The following PPM1G variants were observed in gnomAD, a reference collection of about 807,000 sequenced individuals.
PPM1G encodes protein phosphatase 1G.
Under a neutral mutation model 59.4 loss-of-function variants are expected in PPM1G, and 12 were observed. That is an observed-to-expected ratio of 0.20 (90% CI 0.13 to 0.33). PPM1G has a LOEUF of 0.33. Among genes scored for constraint, PPM1G ranks in the 10% least tolerant of loss-of-function variants. The pLI is 1.00. For synonymous variants in PPM1G, 245 were observed against 251.9 expected, an observed-to-expected ratio of 0.97 and a Z score of 0.26; for missense variants, 392 against 681.3, an observed-to-expected ratio of 0.58 and a Z score of 4.73.
rs905442931 is a variant in PPM1G, at chr2:27,383,127, C to T, written c.1201+239G>A. 2.0e-5 allele frequency among the ~76,000 whole-genome samples: 3 copies of T among 152,082 alleles called. No homozygotes were observed. The highest frequency in any genetic ancestry group is 1.9e-4 in the East Asian group (1 of 5,192). ...CTGGGATTACAGGCGTGAGCCACCA[C>T]GCCCGGCACTCACAGGTCTTTTTCA... On this transcript the variant is annotated intron_variant, in intron 7 of 9. Transcript: ENST00000344034. The surrounding 1 kb of genome is among the most constrained non-coding windows in gnomAD (Gnocchi z 5.0).
At chr2:27,407,680 C>A (rs1663414468) in intron 1 of PPM1G, among the ~76,000 whole-genome samples, 3 of 152,214 alleles carry the variant, frequency 2.0e-5, no homozygotes, top group African/African-American at 4.8e-5. Flanking sequence ...CTAGTGTCTT[C>A]AACGATCTGA....
Position 27,381,530 on chromosome 2 carries a change from AGACAAAACTCAGTCTCAG to A in PPM1G, c.*51_*68del. ...ACCCACTGCTAAGGCTAAAGGAAAA[AGACAAAACTCAGTCTCAG>A]GTCCGGAGGGCTCAGAAAACAGTCT... On this transcript the variant is annotated 3_prime_UTR_variant, in exon 10 of 10. Coordinates refer to ENST00000344034, the MANE Select transcript of PPM1G (RefSeq NM_177983.3). The A allele has an allele frequency of 6.3e-7, 1 of 1,585,266 alleles. No individual in the cohort carries two copies. Among genetic ancestry groups the A allele is most frequent in the Non-Finnish European group, 8.7e-7 (1 of 1,154,780 alleles).
chr2:27,391,872 C>T (rs1391121295), intron 1 of PPM1G, among the ~76,000 whole-genome samples: 1 of 151,812 alleles, frequency 6.6e-6, no homozygotes, highest in Non-Finnish European at 1.5e-5. Context: ...GCTGGGATAA[C>T]AGGCACGCGC....
intron 1 of PPM1G, among the ~76,000 whole-genome samples, chr2:27,396,819 C>CAACAAAA (rs1684064470): frequency 8.0e-6 from 1 of 125,384 alleles, no homozygotes; most frequent in South Asian, 2.6e-4. Flanking sequence ...CCGTCTCCAA[C>CAACAAAA]AAAAAAAAAA....
At position 27,392,879 on chromosome 2, in the gene PPM1G, C is replaced by T. The variant is rs150419729; in HGVS notation, c.121-5721G>A. On this transcript the variant is annotated intron_variant, in intron 1 of 9. Transcript: ENST00000344034. Reference sequence around the variant, plus strand: ...GCTCCCATCTCGTGCATGTTGGTCACGTGGTCACCCAATTCTTTGATGGCC... The same window carrying T: ...GCTCCCATCTCGTGCATGTTGGTCATGTGGTCACCCAATTCTTTGATGGCC... 4,032 of 1,432,928 alleles carry T rather than the reference C, an allele frequency of 2.8e-3. 13 individuals are homozygous for T. The highest frequency in any genetic ancestry group is 4.0e-3 in the Admixed American group (237 of 59,800). 88.8% of individuals were successfully genotyped at this position (1,432,928 alleles called of 1,614,324 possible).
At chr2:27,398,017 C>G (rs1367008725) in intron 1 of PPM1G, among the ~76,000 whole-genome samples, 1 of 152,120 alleles carries the variant, frequency 6.6e-6, no homozygotes, top group Non-Finnish European at 1.5e-5. Flanking sequence ...TTCTGCATAA[C>G]CCCTATAGAA....
chr2:27,402,129 G>GA (rs68102206), intron 1 of PPM1G, among the ~76,000 whole-genome samples: 1 of 151,216 alleles, frequency 6.6e-6, no homozygotes, highest in African/African-American at 2.4e-5. Flanking sequence ...GGTCAAAAAG[G>GA]AAAAAAAAGT....
intron 1 of PPM1G, among the ~76,000 whole-genome samples, chr2:27,401,002 C>A (rs914911864): frequency 1.3e-5 from 2 of 152,164 alleles, no homozygotes; most frequent in African/African-American, 4.8e-5. Context: ...GAGATCAAGT[C>A]CCTCTGGGCC....
chr2:27,382,247 G>C lies in PPM1G; in HGVS notation c.1332-19C>G. Reference sequence around the variant, plus strand: ...CACATTCCTGGGGTCAAGAACAACAGTCAGAATCTTCCAGTCTCACTAAGG... The same window carrying C: ...CACATTCCTGGGGTCAAGAACAACACTCAGAATCTTCCAGTCTCACTAAGG... On this transcript the variant is annotated intron_variant, in intron 8 of 9. Coordinates refer to ENST00000344034, the MANE Select transcript of PPM1G (RefSeq NM_177983.3). The surrounding 1 kb of genome is among the most constrained non-coding windows in gnomAD (Gnocchi z 4.2). 6.2e-7 allele frequency: 1 copy of C among 1,610,200 alleles called. No individual in the cohort carries two copies. Among genetic ancestry groups the C allele is most frequent in the South Asian group, 1.1e-5 (1 of 90,984 alleles).
Position 27,384,488 on chromosome 2 carries a change from G to C in PPM1G, c.825+185C>G, listed in dbSNP as rs952105758. ...TTGTTATAGTACCAACAAAGGAAGA[G>C]GTAAAAAGGCAAATGGTACCTGTGA... On this transcript the variant is annotated intron_variant, in intron 5 of 9. Coordinates refer to ENST00000344034, the MANE Select transcript of PPM1G (RefSeq NM_177983.3). This position sits in a 1 kb window ranked among gnomAD's most constrained non-coding sequence, Gnocchi z 4.8. 9.2e-5 allele frequency among the ~76,000 whole-genome samples: 14 copies of C among 152,144 alleles called. No homozygotes were observed. Among genetic ancestry groups the C allele is most frequent in the Admixed American group, 7.9e-4 (12 of 15,264 alleles).
intron 1 of PPM1G, chr2:27,393,080 T>C (rs975343972): frequency 7.9e-7 from 1 of 1,264,278 alleles, no homozygotes; most frequent in Non-Finnish European, 1.1e-6. Context: ...CGCTCTCCCA[T>C]CGCATTCTCC....
intron 1 of PPM1G, among the ~76,000 whole-genome samples, chr2:27,402,439 G>A (rs1270713185): frequency 6.6e-6 from 1 of 152,150 alleles, no homozygotes; most frequent in Non-Finnish European, 1.5e-5. Flanking sequence ...AAATATCCTT[G>A]AAATCTTGAG....
At position 27,382,073 on chromosome 2, in the gene PPM1G, T is replaced by C; in HGVS notation, c.1434+53A>G. 1 of 1,539,772 alleles carries C rather than the reference T, an allele frequency of 6.5e-7. No homozygotes were observed. The highest frequency in any genetic ancestry group is 1.1e-5 in the South Asian group (1 of 89,276). ...GCCGACTTAGCTCAGATTAAAAGAG[T>C]GAACCCTGGCTGTGCAGACCAGACA... On this transcript the variant is annotated intron_variant, in intron 9 of 9. Transcript: ENST00000344034. The surrounding 1 kb of genome is among the most constrained non-coding windows in gnomAD (Gnocchi z 4.2).
chr2:27,393,142 G>T, intron 1 of PPM1G: 1 of 1,388,042 alleles, frequency 7.2e-7, no homozygotes, highest in Non-Finnish European at 1.0e-6. Context: ...CCACCTCGTT[G>T]GTTCTACAGC....
In PPM1G at chr2:27,382,292, C is replaced by G; in HGVS notation, c.1332-64G>C. The G allele has an allele frequency of 1.3e-6, 2 of 1,575,656 alleles. No individual in the cohort carries two copies. The highest frequency in any genetic ancestry group is 1.7e-6 in the Non-Finnish European group (2 of 1,145,690). ...CTAAGGCAGCGTAGAGGAGTATGGA[C>G]AGAGGTGGTGGCCCAGGCCAGTGTA... On this transcript the variant is annotated intron_variant, in intron 8 of 9. Transcript: ENST00000344034. The surrounding 1 kb of genome is among the most constrained non-coding windows in gnomAD (Gnocchi z 4.2).
intron 1 of PPM1G, among the ~76,000 whole-genome samples, chr2:27,387,708 T>C (rs1558317300): frequency 6.6e-6 from 1 of 151,678 alleles, no homozygotes; most frequent in South Asian, 2.1e-4. Flanking sequence ...ACCATGTTGG[T>C]CAGGCTGGTC....
intron 1 of PPM1G, among the ~76,000 whole-genome samples, chr2:27,403,134 A>G (rs1485636391): frequency 1.3e-5 from 2 of 152,092 alleles, no homozygotes; most frequent in African/African-American, 4.8e-5. Flanking sequence ...TCTCAAAATA[A>G]ATACATAAAT....
At chr2:27,386,370 C>G in intron 2 of PPM1G, 91 bp from the exon 3 acceptor site, 1 of 955,664 alleles carries the variant, frequency 1.0e-6, no homozygotes, top group Non-Finnish European at 1.7e-6. Context: ...GAGTGAACCC[C>G]AAGGGTTGAG....
At position 27,382,169 on chromosome 2, in the gene PPM1G, T is replaced by C; in HGVS notation, c.1391A>G (p.Asp464Gly). ...CAATAACCGAAGCTCCCCATTTTCA[T>C]CACGCTGGCTGATCTTTGATTGAAT... is the stretch of plus-strand genomic sequence containing the variant. ...DFIQSKISQRDENGELRLLSS... is the reference protein window; with the variant it reads ...DFIQSKISQRGENGELRLLSS... Residue 464 changes from aspartate (D) to glycine (G), a missense_variant, in exon 9 of 10, where the codon GAT (aspartate) becomes GGT (glycine). Asp to Gly is a moderately conservative substitution (Grantham distance 94). Around this residue, in one of 6 missense-constraint regions of PPM1G, gnomAD observed 29 missense variants for 38.9 expected, o/e 0.75. Coordinates refer to ENST00000344034, the MANE Select transcript of PPM1G (RefSeq NM_177983.3). The surrounding 1 kb of genome is among the most constrained non-coding windows in gnomAD (Gnocchi z 4.2). 6.2e-7 allele frequency: 1 copy of C among 1,614,252 alleles called. No homozygotes were observed.
Sources: gnomAD v4.1 joint callset for allele counts (sites outside exome capture counted in the v4.1 genomes callset) on GRCh38, gnomAD v4.1.1 for gene constraint, gnomAD v4.1.1 regional missense constraint, Gnocchi (gnomAD v3.1) non-coding constraint, MANE v1.5 for transcripts, NCBI Gene and HGNC (gene_info 2026-07-23, HGNC 2026-07-21) for gene names.